NRXN1: variants seen among roughly 807,000 people sequenced by gnomAD.
NRXN1 encodes neurexin 1.
A neutral mutation model predicts 150.9 loss-of-function variants in NRXN1; 39 were observed. The observed-to-expected ratio is 0.26, with a 90% CI of 0.20 to 0.34. The LOEUF (loss-of-function observed/expected upper bound fraction) is 0.34, where lower values mean the gene tolerates loss of function less well. Among genes scored for constraint, NRXN1 ranks in the 10% least tolerant of loss-of-function variants. The pLI is 1.00. For missense variants in NRXN1, 1,815 were observed against 1,949.9 expected (o/e 0.93, Z 1.30); for synonymous variants, 924 against 757.0 (o/e 1.22, Z -3.62).
chr2:50,190,436 C>G (rs2061369911), intron 18 of NRXN1, among the ~76,000 whole-genome samples: 1 of 152,022 alleles, frequency 6.6e-6, no homozygotes, highest in African/African-American at 2.4e-5. Flanking sequence ...TTTTACATCT[C>G]AAGCATATAG....
intron 18 of NRXN1, chr2:50,199,203 A>G (rs1354517244): frequency 6.6e-6 from 1 of 152,198 alleles, no homozygotes; most frequent in Admixed American, 6.5e-5. Context: ...TTCTAGTCAG[A>G]AATATGTTTG....
At chr2:50,276,181 G>T (rs2070437681) in intron 17 of NRXN1, among the ~76,000 whole-genome samples, 1 of 151,998 alleles carries the variant, frequency 6.6e-6, no homozygotes, top group Non-Finnish European at 1.5e-5. Context: ...TTCTAAGGGG[G>T]AGGTTTCTTT....
rs1291366102 is a variant in NRXN1 at position 50,776,887 on chromosome 2, C to A, written c.832+144982G>T. ...CTGAAGCTACAAGGGCCAGTGCCCA[C>A]CGATCCTAGTCCCATTTAAGGAAAT... On this transcript the variant is annotated intron_variant, in intron 5 of 22. Transcript: ENST00000401669. 3.3e-5 allele frequency among the ~76,000 whole-genome samples: 5 copies of A among 152,220 alleles called. No homozygotes were observed. In the South Asian group the frequency reaches 1.0e-3, roughly 32 times the overall value.
At chr2:50,530,021 T>C (rs1337041842) in intron 11 of NRXN1, among the ~76,000 whole-genome samples, 1 of 152,228 alleles carries the variant, frequency 6.6e-6, no homozygotes, top group Non-Finnish European at 1.5e-5. Context: ...ATGCCTTGCC[T>C]CATCACATTT....
chr2:50,815,818 T>C (rs1426939631), intron 5 of NRXN1, among the ~76,000 whole-genome samples: 2 of 152,156 alleles, frequency 1.3e-5, no homozygotes, highest in East Asian at 1.9e-4. Flanking sequence ...TGCATAGTCA[T>C]AGAATTTTCT....
At chr2:50,177,253 C>A (rs1014588658) in intron 18 of NRXN1, among the ~76,000 whole-genome samples, 3 of 152,100 alleles carry the variant, frequency 2.0e-5, no homozygotes, top group Non-Finnish European at 4.4e-5. Context: ...TCATTCCCCT[C>A]CCACCATCCT....
chr2:50,697,283 C>T (rs1364750018), intron 5 of NRXN1, among the ~76,000 whole-genome samples: 21 of 152,134 alleles, frequency 1.4e-4, no homozygotes, highest in Admixed American at 1.4e-3. Flanking sequence ...GACTCATTGT[C>T]ACAAGCTGAT....
intron 5 of NRXN1, among the ~76,000 whole-genome samples, chr2:50,751,199 C>T (rs1042257781): frequency 6.6e-6 from 1 of 151,962 alleles, no homozygotes; most frequent in Non-Finnish European, 1.5e-5. Context: ...TCTATTTCAT[C>T]ACATTTATAG....
At chr2:51,013,218 T>G (rs964065650) in intron 2 of NRXN1, among the ~76,000 whole-genome samples, 2 of 151,886 alleles carry the variant, frequency 1.3e-5, no homozygotes, top group African/African-American at 4.8e-5. Flanking sequence ...TAAGGAAACA[T>G]GAAACTGGGG....
At chr2:50,586,493 T>G (rs940119587) in intron 8 of NRXN1, among the ~76,000 whole-genome samples, 1 of 152,050 alleles carries the variant, frequency 6.6e-6, no homozygotes, top group Non-Finnish European at 1.5e-5. Flanking sequence ...CCTATAATAG[T>G]GTCTGGTATA....
chr2:50,640,663 C>T (rs1419956860), intron 5 of NRXN1, among the ~76,000 whole-genome samples: 1 of 152,112 alleles, frequency 6.6e-6, no homozygotes, highest in Non-Finnish European at 1.5e-5. Flanking sequence ...TTACATACTG[C>T]CTTTGCAAAG....
At chr2:50,841,650 G>C (rs1361324674) in intron 5 of NRXN1, among the ~76,000 whole-genome samples, 1 of 152,102 alleles carries the variant, frequency 6.6e-6, no homozygotes, top group Non-Finnish European at 1.5e-5. Flanking sequence ...TGAAAACTAA[G>C]CACTGTTTAT....
intron 5 of NRXN1, among the ~76,000 whole-genome samples, chr2:50,697,839 A>G (rs1206306690): frequency 6.6e-6 from 1 of 151,898 alleles, no homozygotes; most frequent in Non-Finnish European, 1.5e-5. Context: ...TGTTCCTTTA[A>G]CTCTTCAATT....
At chr2:50,732,805 G>A (rs1474409977) in intron 5 of NRXN1, among the ~76,000 whole-genome samples, 7 of 151,940 alleles carry the variant, frequency 4.6e-5, no homozygotes, top group South Asian at 2.1e-4. Flanking sequence ...TATAGCATCC[G>A]GCTTGCTTAA....
intron 5 of NRXN1, among the ~76,000 whole-genome samples, chr2:50,689,762 G>A (rs78652704): frequency 1.6e-3 from 250 of 152,102 alleles, no homozygotes; most frequent in African/African-American, 5.7e-3. Context: ...TCTAAAAAAG[G>A]AGTTATTTTG....
chr2:50,232,308 T>C (rs184926834), intron 18 of NRXN1, among the ~76,000 whole-genome samples: 1 of 152,108 alleles, frequency 6.6e-6, no homozygotes, highest in Admixed American at 6.6e-5. Context: ...AAATAAATAT[T>C]TCTGGAGAGG....
chr2:50,592,597 GAA>G (rs766280932), intron 8 of NRXN1, among the ~76,000 whole-genome samples: 1 of 152,192 alleles, frequency 6.6e-6, no homozygotes, highest in Admixed American at 6.5e-5. Flanking sequence ...AGTAAAAAGT[GAA>G]AAGACTTCCA....
At chr2:50,446,694 C>A (rs962629047) in intron 17 of NRXN1, among the ~76,000 whole-genome samples, 2 of 151,712 alleles carry the variant, frequency 1.3e-5, no homozygotes, top group South Asian at 4.2e-4. Context: ...CTGAGTAATA[C>A]TTTTTGGCTG....
chr2:50,128,922 G>T (rs1269416523), intron 18 of NRXN1, among the ~76,000 whole-genome samples: 1 of 151,704 alleles, frequency 6.6e-6, no homozygotes, highest in African/African-American at 2.4e-5. Context: ...GGTGCAGGTT[G>T]CAGTGAGCCG....
Sources: gnomAD v4.1 joint callset for allele counts (sites outside exome capture counted in the v4.1 genomes callset) on GRCh38, gnomAD v4.1.1 for gene constraint, MANE v1.5 for transcripts, NCBI Gene and HGNC (gene_info 2026-07-23, HGNC 2026-07-21) for gene names.